NBEAL2: variants seen among roughly 807,000 people sequenced by gnomAD.
NBEAL2 encodes the protein neurobeachin like 2.
Under a neutral mutation model 299.8 loss-of-function variants are expected in NBEAL2, and 160 were observed. That is an observed-to-expected ratio of 0.53 (90% CI 0.47 to 0.61). The LOEUF (loss-of-function observed/expected upper bound fraction) is 0.61. Among genes scored for constraint, NBEAL2 ranks in the 20% least tolerant of loss-of-function variants. The pLI is 0.00. For synonymous variants in NBEAL2, 1,493 were observed against 1,542.3 expected, an observed-to-expected ratio of 0.97 and a Z score of 0.75; for missense variants, 3,112 against 3,649.0, an observed-to-expected ratio of 0.85 and a Z score of 3.79.
In NBEAL2 at chr3:46,983,311, CT is replaced by C. The variant is rs35275864; in HGVS notation, c.51+3416del. 6.9e-4 allele frequency among the ~76,000 whole-genome samples: 91 copies of C among 131,106 alleles called. No individual in the cohort carries two copies. The East Asian group carries it at 0.012, about 17-fold the overall frequency. 86.0% of individuals were successfully genotyped at this position (131,106 alleles called of 152,430 possible). ...CCCGGTACTTTACCTGGTCATATTC[CT>C]TTTTTTTTTTTTTTTTAGACAGAGT... On this transcript the variant is annotated intron_variant, in intron 1 of 53. Transcript: ENST00000450053.
At position 46,981,648 on chromosome 3, in the gene NBEAL2, C is replaced by G. The variant is rs1263406441; in HGVS notation, c.51+1736C>G. Among the ~76,000 whole-genome samples, 4 of 152,126 alleles carry G rather than the reference C, an allele frequency of 2.6e-5. 1 individual carries two copies. Among genetic ancestry groups the G allele is most frequent in the Admixed American group, 2.0e-4 (3 of 15,280 alleles). On this transcript the variant is annotated intron_variant, in intron 1 of 53. Coordinates refer to ENST00000450053, the MANE Select transcript of NBEAL2 (RefSeq NM_015175.3). ...GGTTTGAAGAGAAGCCTACCCTAGTCCTCCTTCCTCGGACTGCCCCATAGC... is the reference window on the plus strand; with the variant it reads ...GGTTTGAAGAGAAGCCTACCCTAGTGCTCCTTCCTCGGACTGCCCCATAGC...
chr3:46,979,834 C>T lies in NBEAL2; in HGVS notation c.-28C>T, dbSNP rs1023617651. On this transcript the variant is annotated 5_prime_UTR_variant, in exon 1 of 54. Coordinates refer to ENST00000450053, the MANE Select transcript of NBEAL2 (RefSeq NM_015175.3). ...GCGGAGGAGGCGGCGACAGGTGGCGCGCAGCAGGGCCGGAGCCGGGCCGGG... is the reference window on the plus strand; with the variant it reads ...GCGGAGGAGGCGGCGACAGGTGGCGTGCAGCAGGGCCGGAGCCGGGCCGGG... The T allele has an allele frequency of 1.4e-5, 6 of 419,620 alleles. No homozygotes were observed. The highest frequency in any genetic ancestry group is 2.5e-5 in the Non-Finnish European group (6 of 240,090). The allele number at this position is 419,620 out of a possible 1,614,324, so 26.0% of individuals were successfully genotyped here.
At chr3:46,981,500 T>G (rs1215215309) in intron 1 of NBEAL2, among the ~76,000 whole-genome samples, 1 of 152,172 alleles carries the variant, frequency 6.6e-6, no homozygotes, top group Non-Finnish European at 1.5e-5. Flanking sequence ...CTTCCTGGAC[T>G]CTGTGGAGAG....
At chr3:46,980,883 T>G (rs994763259) in intron 1 of NBEAL2, among the ~76,000 whole-genome samples, 1 of 152,194 alleles carries the variant, frequency 6.6e-6, no homozygotes. Context: ...GGCTCAGGTG[T>G]GCCCTGGGCA....
In NBEAL2 at chr3:47,004,663, G is replaced by A. The variant is rs2037291478; in HGVS notation, c.6294+73G>A. The stretch of plus-strand genomic sequence containing the variant: ...CAGCCCTTGGTTCCCCCAAGTGTAG[G>A]TACCTGCCAGTGGGCCAAGCTCTGA... On this transcript the variant is annotated intron_variant, in intron 38 of 53. Coordinates refer to ENST00000450053, the MANE Select transcript of NBEAL2 (RefSeq NM_015175.3). This position sits in a 1 kb window ranked among gnomAD's most constrained non-coding sequence, Gnocchi z 5.0. 1 of 1,449,406 alleles carries A rather than the reference G, an allele frequency of 6.9e-7. No homozygotes were observed. Among genetic ancestry groups the A allele is most frequent in the Non-Finnish European group, 9.7e-7 (1 of 1,033,988 alleles). The allele number at this position is 1,449,406 out of a possible 1,614,324, so 89.8% of individuals were successfully genotyped here. A position where few individuals can be genotyped will look rare whatever the true frequency, so the allele number is the denominator to read the frequency against.
In NBEAL2 at chr3:46,991,352, T is replaced by C. The variant is rs1298090359; in HGVS notation, c.642+48T>C. 1 of 1,583,960 alleles carries C rather than the reference T, an allele frequency of 6.3e-7. No homozygotes were observed. The highest frequency in any genetic ancestry group is 8.6e-7 in the Non-Finnish European group (1 of 1,164,614). On this transcript the variant is annotated intron_variant, in intron 7 of 53. Coordinates refer to ENST00000450053, the MANE Select transcript of NBEAL2 (RefSeq NM_015175.3). This position sits in a 1 kb window ranked among gnomAD's most constrained non-coding sequence, Gnocchi z 6.2. ...GGACTAGAGAGCAGCTCTTTCAGTA[T>C]CTCTCTGCTGGGTGAGCCCCTTGCC...
chr3:46,997,984 T>C (rs2036626362), intron 20 of NBEAL2, 83 bp from the exon 21 acceptor site: 1 of 1,453,974 alleles, frequency 6.9e-7, no homozygotes, highest in Non-Finnish European at 9.2e-7. Context: ...GTCATGGCTG[T>C]GCAGGGAAGA....
At position 47,002,489 on chromosome 3, in the gene NBEAL2, G is replaced by A. The variant is rs1216050296; in HGVS notation, c.5270G>A (p.Trp1757Ter). The change falls in exon 32 of 54, where the codon TGG (tryptophan) becomes TAG (stop). Residue 1757 changes from tryptophan (W) to a stop codon, truncating the protein, a stop_gained. Transcript: ENST00000450053. LOFTEE classifies it high-confidence loss of function. ...ATGAGCAGTGGGCAGCGGCGCCAGT[G>A]GGAGCGCGCCCAGAGTCGTCGGGCC... is the stretch of plus-strand genomic sequence containing the variant. ...MLMSSGQRRQ[W>*]ERAQSRRAFQ... is the part of the protein sequence containing the mutation. 4 of 1,612,970 alleles carry A rather than the reference G, an allele frequency of 2.5e-6. No individual in the cohort carries two copies. Among genetic ancestry groups the A allele is most frequent in the Non-Finnish European group, 3.4e-6 (4 of 1,179,880 alleles).
Position 46,991,435 on chromosome 3 carries a change from C to T in NBEAL2, c.672C>T (p.Gly224=), listed in dbSNP as rs753125043. The T allele has an allele frequency of 5.0e-6, 8 of 1,608,934 alleles. No individual in the cohort carries two copies. The East Asian group carries it at 1.8e-4, about 36-fold the overall frequency. The part of the protein sequence containing the change: ...KENGQMAVSD[G]SVKGLLSVVR... ...ACGGGCAGATGGCTGTAAGTGATGG[C>T]TCTGTGAAGGGCCTGCTGAGTGTGG... Residue 224 remains glycine (G), a synonymous_variant, in exon 8 of 54, where the codon GGC becomes GGT. Coordinates refer to ENST00000450053, the MANE Select transcript of NBEAL2 (RefSeq NM_015175.3). The surrounding 1 kb of genome is among the most constrained non-coding windows in gnomAD (Gnocchi z 6.2).
chr3:46,995,108 G>A lies in NBEAL2; in HGVS notation c.1373G>A (p.Trp458Ter). 1 of 1,572,868 alleles carries A rather than the reference G, an allele frequency of 6.4e-7. No homozygotes were observed. Among genetic ancestry groups the A allele is most frequent in the Non-Finnish European group, 8.6e-7 (1 of 1,158,904 alleles). Residue 458 changes from tryptophan (W) to a stop codon, truncating the protein, a stop_gained, in exon 13 of 54, where the codon TGG (tryptophan) becomes TAG (stop). Coordinates refer to ENST00000450053, the MANE Select transcript of NBEAL2 (RefSeq NM_015175.3). LOFTEE classifies it high-confidence loss of function. ...NEQPVLVLAQ[W>*]LPSLPTAELR... The stretch of plus-strand genomic sequence containing the variant: ...CAGCCGGTACTGGTGCTGGCGCAGT[G>A]GCTGCCGTCATTGCCCACCGCTGAG...
Position 46,998,967 on chromosome 3 carries a change from T to G in NBEAL2, c.3393T>G (p.Gly1131=), listed in dbSNP as rs1360852270. The G allele has an allele frequency of 1.2e-6, 2 of 1,606,880 alleles. No individual in the cohort carries two copies. Among genetic ancestry groups the G allele is most frequent in the South Asian group, 2.2e-5 (2 of 89,494 alleles). The change falls in exon 24 of 54, where the codon GGT becomes GGG. Residue 1131 remains glycine, a synonymous_variant. Coordinates refer to ENST00000450053, the MANE Select transcript of NBEAL2 (RefSeq NM_015175.3). ...AGACCCTGCATCCCCAGGCGGTGGGTGCGCTGGACCTGCTGCTGGCCCTGC... is the reference window on the plus strand; with the variant it reads ...AGACCCTGCATCCCCAGGCGGTGGGGGCGCTGGACCTGCTGCTGGCCCTGC... ...AATGDDGQAV[G]ALDLLLALLH...
At position 47,008,542 on chromosome 3, in the gene NBEAL2, A is replaced by G; in HGVS notation, c.7901A>G (p.Tyr2634Cys). ...CAGGTCACCTACTCCTTGCACCTGT[A>G]TTCAGTCAATGGGAAGTTGCGGGCT... is the stretch of plus-strand genomic sequence containing the variant. ...GAQVTYSLHL[Y>C]SVNGKLRASL... The change falls in exon 52 of 54, where the codon TAT becomes TGT. Residue 2634 changes from tyrosine (Y) to cysteine (C), a missense_variant. Physicochemically the swap from Tyr to Cys is radical, Grantham distance 194 (BLOSUM62 -2). This residue lies in a region of NBEAL2 where 348 missense variants were observed against 381.4 expected (regional missense o/e 0.91). Coordinates refer to ENST00000450053, the MANE Select transcript of NBEAL2 (RefSeq NM_015175.3). 1.9e-6 allele frequency: 3 copies of G among 1,613,720 alleles called. No homozygotes were observed. The highest frequency in any genetic ancestry group is 8.5e-7 in the Non-Finnish European group (1 of 1,179,830).
rs1210976918 is a variant in NBEAL2 at position 46,993,864 on chromosome 3, T to C, written c.1114-73T>C. The C allele has an allele frequency of 2.1e-6, 3 of 1,406,868 alleles. No individual in the cohort carries two copies. The African/African-American group carries it at 4.3e-5, about 20-fold the overall frequency. The allele number at this position is 1,406,868 out of a possible 1,614,324, so 87.1% of individuals were successfully genotyped here. A position where few individuals can be genotyped will look rare whatever the true frequency, so the allele number is the denominator to read the frequency against. On this transcript the variant is annotated intron_variant, in intron 10 of 53. Coordinates refer to ENST00000450053, the MANE Select transcript of NBEAL2 (RefSeq NM_015175.3). The stretch of plus-strand genomic sequence containing the variant: ...CCTTGGGGTGCTTGGCTCTGCACCT[T>C]TTTTACTGCAGGGGGCTGCCAGCTG...
intron 9 of NBEAL2, 137 bp from the exon 10 acceptor site, chr3:46,992,338 G>T: frequency 1.2e-6 from 1 of 808,392 alleles, no homozygotes; most frequent in Non-Finnish European, 2.1e-6. Flanking sequence ...GGCACAGGGG[G>T]CTCAGCACCC....
chr3:46,996,649 G>T, intron 16 of NBEAL2, 57 bp downstream of exon 16: 1 of 1,524,170 alleles, frequency 6.6e-7, no homozygotes, highest in East Asian at 2.3e-5. Flanking sequence ...GGGGTCCGGG[G>T]GGAGAAGGCA....
chr3:46,989,448 A>C lies in NBEAL2; in HGVS notation c.474-63A>C. The C allele has an allele frequency of 1.9e-6, 3 of 1,564,696 alleles. No individual in the cohort carries two copies. The highest frequency in any genetic ancestry group is 2.6e-6 in the Non-Finnish European group (3 of 1,154,684). Reference sequence around the variant, plus strand: ...GGAGAGGATGGCCGCGCTGGGCCCAAGGAGGGGTGACGGCCAGGAGTGGTG... The same window carrying C: ...GGAGAGGATGGCCGCGCTGGGCCCACGGAGGGGTGACGGCCAGGAGTGGTG... On this transcript the variant is annotated intron_variant, in intron 5 of 53. Transcript: ENST00000450053. This position sits in a 1 kb window ranked among gnomAD's most constrained non-coding sequence, Gnocchi z 5.5.
Position 47,005,541 on chromosome 3 carries a change from C to T in NBEAL2, c.6613C>T (p.Arg2205Cys), listed in dbSNP as rs758867361. The change falls in exon 41 of 54, where the codon CGC becomes TGC. Residue 2205 changes from arginine to cysteine, a missense_variant. By Grantham distance (180) the Arg-to-Cys change is radical. Coordinates refer to ENST00000450053, the MANE Select transcript of NBEAL2 (RefSeq NM_015175.3). ...FHSVAAAWQARLESPADVKEL... is the reference protein window; with the variant it reads ...FHSVAAAWQACLESPADVKEL... The stretch of plus-strand genomic sequence containing the variant: ...CTCGGTGGCGGCAGCCTGGCAGGCA[C>T]GCCTGGAGAGCCCTGCCGATGTGAA... 1.8e-5 allele frequency: 29 copies of T among 1,611,052 alleles called. No individual in the cohort carries two copies. Among genetic ancestry groups the T allele is most frequent in the Non-Finnish European group, 2.2e-5 (26 of 1,179,162 alleles).
At position 46,994,468 on chromosome 3, in the gene NBEAL2, A is replaced by T. The variant is rs1451431147; in HGVS notation, c.1211A>T (p.Glu404Val). 1 of 1,593,816 alleles carries T rather than the reference A, an allele frequency of 6.3e-7. No individual in the cohort carries two copies. The highest frequency in any genetic ancestry group is 8.6e-7 in the Non-Finnish European group (1 of 1,168,626). ...DSPSAKEVFKERIGYPHLQEV... is the reference protein window; with the variant it reads ...DSPSAKEVFKVRIGYPHLQEV... ...TACCTTACACAGGAGGTGTTTAAGGAGCGCATCGGCTACCCTCACCTGCAG... is the reference window on the plus strand; with the variant it reads ...TACCTTACACAGGAGGTGTTTAAGGTGCGCATCGGCTACCCTCACCTGCAG... The change falls in exon 12 of 54, where the codon GAG becomes GTG. Residue 404 changes from glutamate (E) to valine (V), a missense_variant. Around this residue, in one of 3 missense-constraint regions of NBEAL2, gnomAD observed 2,243 missense variants for 2,538.1 expected, o/e 0.88. Transcript: ENST00000450053.
Position 47,006,169 on chromosome 3 carries a change from TGTA to T in NBEAL2, c.6926_6928del (p.Val2309del). ...CTGCTCTGCCTGCCTTCCCAGGGGC[TGTA>T]GACCTGGACCATGTGACAGATGAGC... On this transcript the variant is annotated inframe_deletion, in exon 44 of 54. Transcript: ENST00000450053. The T allele has an allele frequency of 6.2e-7, 1 of 1,613,866 alleles. No individual in the cohort carries two copies. Among genetic ancestry groups the T allele is most frequent in the East Asian group, 2.2e-5 (1 of 44,886 alleles).
Sources: gnomAD v4.1 joint callset for allele counts (sites outside exome capture counted in the v4.1 genomes callset) on GRCh38, gnomAD v4.1.1 for gene constraint, gnomAD v4.1.1 regional missense constraint, Gnocchi (gnomAD v3.1) non-coding constraint, MANE v1.5 for transcripts, NCBI Gene and HGNC (gene_info 2026-07-23, HGNC 2026-07-21) for gene names.